Variants in PPIL4 observed in about 807,000 individuals in gnomAD.
The protein encoded by PPIL4 is peptidylprolyl isomerase like 4, also known as peptidyl-prolyl cis-trans isomerase-like 4.
Under a neutral mutation model 69.1 loss-of-function variants are expected in PPIL4, and 50 were observed. The ratio of observed to expected loss-of-function variants is 0.72; its 90% CI spans 0.58 to 0.92. The LOEUF is 0.92. Ranked by LOEUF, PPIL4 falls within the 40% of genes least tolerant of loss-of-function variation. The probability of loss-of-function intolerance (pLI) is 0.00; values close to 1 mark genes in which losing one functional copy is unlikely to be tolerated. For missense variants in PPIL4, 480 were observed against 587.9 expected, an observed-to-expected ratio of 0.82 and a Z score of 1.90; for synonymous variants, 193 against 191.6, an observed-to-expected ratio of 1.01 and a Z score of -0.06.
intron 9 of PPIL4, among the ~76,000 whole-genome samples, chr6:149,522,067 C>A (rs1395897066): frequency 1.3e-5 from 2 of 152,106 alleles, no homozygotes; most frequent in Non-Finnish European, 2.9e-5. Context: ...AAGATATAGA[C>A]AAAGCTTGAT....
chr6:149,527,088 G>A lies in PPIL4; in HGVS notation c.679-312C>T, dbSNP rs149201418. Among the ~76,000 whole-genome samples the A allele has an allele frequency of 5.5e-3, 836 of 152,344 alleles. 13 individuals carry two copies. Among genetic ancestry groups the A allele is most frequent in the African/African-American group, 0.018 (769 of 41,574 alleles). ...AAGACAAGTAAAGCGGCTGAGCATG[G>A]TAGCTCATGCCTGTAATCCCAGCAC... On this transcript the variant is annotated intron_variant, in intron 7 of 12. Transcript: ENST00000253329.
intron 5 of PPIL4, among the ~76,000 whole-genome samples, chr6:149,535,199 A>G (rs946823150): frequency 6.6e-6 from 1 of 152,176 alleles, no homozygotes; most frequent in Non-Finnish European, 1.5e-5. Context: ...TACTAAAAAT[A>G]CAAAAAATTA....
At chr6:149,531,626 G>C (rs774768681) in intron 7 of PPIL4, among the ~76,000 whole-genome samples, 11 of 151,932 alleles carry the variant, frequency 7.2e-5, no homozygotes, top group Non-Finnish European at 1.0e-4. Context: ...AATTATAAAA[G>C]ATATTATTAG....
intron 11 of PPIL4, among the ~76,000 whole-genome samples, chr6:149,515,784 T>C (rs1776934874): frequency 6.6e-6 from 1 of 152,196 alleles, no homozygotes; most frequent in African/African-American, 2.4e-5. Context: ...CCTCTCCCTT[T>C]GAATAAAACA....
In PPIL4 at chr6:149,529,274, A is replaced by C. The variant is rs560059249; in HGVS notation, c.679-2498T>G. ...AAAGAAATGAAATCCCAGGCCGGGC[A>C]ACATAGTGAGACTCTGTCTCTACAA... On this transcript the variant is annotated intron_variant, in intron 7 of 12. Transcript: ENST00000253329. 6.6e-5 allele frequency among the ~76,000 whole-genome samples: 10 copies of C among 151,136 alleles called. No individual in the cohort carries two copies. The East Asian group carries it at 2.0e-3, about 30-fold the overall frequency.
chr6:149,545,850 T>G, intron 1 of PPIL4, 86 bp downstream of exon 1: 1 of 1,272,346 alleles, frequency 7.9e-7, no homozygotes, highest in Non-Finnish European at 1.1e-6. Context: ...CTCTAGCCAA[T>G]CTCTGCCCTG....
At chr6:149,526,225 T>C (rs1020036930) in intron 8 of PPIL4, among the ~76,000 whole-genome samples, 1 of 152,198 alleles carries the variant, frequency 6.6e-6, no homozygotes, top group Non-Finnish European at 1.5e-5. Context: ...CTTCATAGAC[T>C]TTTTCATTAA....
chr6:149,537,428 C>T (rs1023194180), intron 4 of PPIL4, among the ~76,000 whole-genome samples: 2 of 152,166 alleles, frequency 1.3e-5, no homozygotes, highest in Non-Finnish European at 2.9e-5. Context: ...GCTAAATCGG[C>T]CGGGCGCGGT....
intron 1 of PPIL4, among the ~76,000 whole-genome samples, chr6:149,543,055 T>C (rs772238696): frequency 1.3e-5 from 2 of 152,180 alleles, no homozygotes; most frequent in African/African-American, 2.4e-5. Flanking sequence ...TGATCATCAA[T>C]GGCTGCCAAA....
intron 8 of PPIL4, 112 bp downstream of exon 8, chr6:149,526,540 A>G: frequency 1.0e-6 from 1 of 954,552 alleles, no homozygotes; most frequent in Non-Finnish European, 1.6e-6. Flanking sequence ...GTAAAAATTC[A>G]CCAGTACAAA....
intron 1 of PPIL4, among the ~76,000 whole-genome samples, chr6:149,544,934 T>A (rs1181631319): frequency 6.6e-6 from 1 of 152,174 alleles, no homozygotes; most frequent in Admixed American, 6.5e-5. Context: ...AACTAATCTC[T>A]CCTGGTCTCA....
chr6:149,530,541 C>T (rs1777179852), intron 7 of PPIL4, among the ~76,000 whole-genome samples: 1 of 152,046 alleles, frequency 6.6e-6, no homozygotes, highest in Admixed American at 6.6e-5. Flanking sequence ...CACCTATAAT[C>T]CCTGCTACCC....
At chr6:149,509,591 G>A (rs1776812947) in intron 12 of PPIL4, among the ~76,000 whole-genome samples, 3 of 152,216 alleles carry the variant, frequency 2.0e-5, no homozygotes, top group African/African-American at 7.2e-5. Context: ...ATAGAGTACA[G>A]ACATTTAAGA....
chr6:149,541,478 G>A (rs762501336), intron 2 of PPIL4, 41 bp downstream of exon 2: 3 of 1,513,042 alleles, frequency 2.0e-6, no homozygotes, highest in Admixed American at 1.7e-5. Flanking sequence ...TTGTTAGATA[G>A]TTCCAATAAC....
At position 149,517,406 on chromosome 6, in the gene PPIL4, G is replaced by T. The variant is rs1289766364; in HGVS notation, c.1027C>A (p.Gln343Lys). 6.2e-7 allele frequency: 1 copy of T among 1,606,632 alleles called. No individual in the cohort carries two copies. Among genetic ancestry groups the T allele is most frequent in the South Asian group, 1.1e-5 (1 of 90,686 alleles). Residue 343 changes from glutamine (Q) to lysine (K), a missense_variant, in exon 11 of 13, where the codon CAG becomes AAG. Gln to Lys is a moderately conservative substitution (Grantham distance 53, BLOSUM62 1). Coordinates refer to ENST00000253329, the MANE Select transcript of PPIL4 (RefSeq NM_139126.4). The part of the protein sequence containing the change: ...KSDFKEYEKE[Q>K]DKPPNLVLKD... Reference sequence around the variant, plus strand: ...AGAACCAAATTAGGTGGTTTATCCTGTTCTTTTTCATACTCCTTGAAATCA... The same window carrying T: ...AGAACCAAATTAGGTGGTTTATCCTTTTCTTTTTCATACTCCTTGAAATCA...
intron 4 of PPIL4, among the ~76,000 whole-genome samples, chr6:149,539,777 C>A (rs1777333035): frequency 6.6e-6 from 1 of 152,184 alleles, no homozygotes; most frequent in Non-Finnish European, 1.5e-5. Context: ...AGACCCTTCA[C>A]CAGCAAAAAG....
rs184792324 is a variant in PPIL4, at chr6:149,526,086, G to A, written c.803+566C>T. ...TGCACTCCAGCCTGGGCAACAGAGC[G>A]AGACTCCATGTCAAAAAAATAAACA... On this transcript the variant is annotated intron_variant, in intron 8 of 12. Coordinates refer to ENST00000253329, the MANE Select transcript of PPIL4 (RefSeq NM_139126.4). Among the ~76,000 whole-genome samples, 1,102 of 152,136 alleles carry A rather than the reference G, an allele frequency of 7.2e-3. 10 individuals carry two copies. The highest frequency in any genetic ancestry group is 0.011 in the Non-Finnish European group (719 of 67,994).
At chr6:149,530,453 G>A (rs1302603637) in intron 7 of PPIL4, among the ~76,000 whole-genome samples, 1 of 151,992 alleles carries the variant, frequency 6.6e-6, no homozygotes, top group African/African-American at 2.4e-5. Context: ...CAGGTCAGGA[G>A]TTTGAGACAA....
chr6:149,524,090 A>G (rs1777071487), intron 9 of PPIL4, among the ~76,000 whole-genome samples: 1 of 152,256 alleles, frequency 6.6e-6, no homozygotes, highest in African/African-American at 2.4e-5. Context: ...CTGGATACAT[A>G]TGAGTCCAAA....
Sources: gnomAD v4.1 joint callset for allele counts (sites outside exome capture counted in the v4.1 genomes callset) on GRCh38, gnomAD v4.1.1 for gene constraint, MANE v1.5 for transcripts, NCBI Gene and HGNC (gene_info 2026-07-23, HGNC 2026-07-21) for gene names.